The following PTPRD variants were observed in gnomAD, a reference collection of about 807,000 sequenced individuals.
PTPRD encodes the protein receptor-type tyrosine-protein phosphatase delta.
A neutral mutation model predicts 214.5 loss-of-function variants in PTPRD; 34 were observed. That is an observed-to-expected ratio of 0.16 (90% CI 0.12 to 0.21). The LOEUF (loss-of-function observed/expected upper bound fraction) is 0.21, where lower values mean the gene tolerates loss of function less well. PTPRD is among the 10% of genes least tolerant of loss of function. PTPRD has a pLI of 1.00. For missense variants in PTPRD, 2,545 were observed against 2,398.7 expected, an observed-to-expected ratio of 1.06 and a Z score of -1.27; for synonymous variants, 1,128 against 845.7, an observed-to-expected ratio of 1.33 and a Z score of -5.79.
chr9:8,508,873 A>G (rs73640924), intron 21 of PTPRD, among the ~76,000 whole-genome samples: 2 of 96,484 alleles, frequency 2.1e-5, no homozygotes, highest in South Asian at 2.8e-4. Flanking sequence ...CTGTGTATAT[A>G]TATGTGTGTG....
intron 9 of PTPRD, among the ~76,000 whole-genome samples, chr9:9,328,287 CA>C: frequency 6.6e-6 from 1 of 152,072 alleles, no homozygotes; most frequent in East Asian, 1.9e-4. Flanking sequence ...CATGTAGGAC[CA>C]TACATACTAC....
chr9:8,358,606 T>C (rs1382084755), intron 39 of PTPRD, among the ~76,000 whole-genome samples: 4 of 152,166 alleles, frequency 2.6e-5, no homozygotes, highest in African/African-American at 9.7e-5. Context: ...GCAAAATACA[T>C]TTTAAATAAT....
At chr9:9,973,425 T>G (rs563086791) in intron 4 of PTPRD, among the ~76,000 whole-genome samples, 3 of 151,800 alleles carry the variant, frequency 2.0e-5, no homozygotes, top group Admixed American at 2.0e-4. Context: ...TGAGCTGAAA[T>G]CATGCCATTG....
chr9:10,401,454 T>A lies in PTPRD; in HGVS notation c.-599-60437A>T, dbSNP rs1052497950. ...ATCATTCCTAAACGGATAAAATTGG[T>A]TCCTATGGCAAAAGGTATTAGATAT... is the stretch of plus-strand genomic sequence containing the variant. On this transcript the variant is annotated intron_variant, in intron 2 of 45. Coordinates refer to ENST00000381196, the MANE Select transcript of PTPRD (RefSeq NM_002839.4). Among the ~76,000 whole-genome samples, 4 of 151,010 alleles carry A rather than the reference T, an allele frequency of 2.6e-5. No individual in the cohort carries two copies. In the South Asian group the frequency reaches 8.3e-4, roughly 31 times the overall value.
intron 9 of PTPRD, among the ~76,000 whole-genome samples, chr9:9,279,584 A>G (rs1212634322): frequency 6.6e-6 from 1 of 150,602 alleles, no homozygotes; most frequent in Non-Finnish European, 1.5e-5. Flanking sequence ...ATTGCAGACA[A>G]TATTACAAAG....
intron 7 of PTPRD, among the ~76,000 whole-genome samples, chr9:9,641,923 A>T (rs2095972966): frequency 6.6e-6 from 1 of 152,138 alleles, no homozygotes; most frequent in African/African-American, 2.4e-5. Context: ...TTAGCTATAG[A>T]TTAAAATAAG....
chr9:9,874,936 T>C (rs2066439564), intron 5 of PTPRD, among the ~76,000 whole-genome samples: 2 of 152,284 alleles, frequency 1.3e-5, no homozygotes, highest in Non-Finnish European at 2.9e-5. Flanking sequence ...AGGTTTATAA[T>C]AGATAGATTA....
intron 7 of PTPRD, among the ~76,000 whole-genome samples, chr9:9,627,507 A>T (rs2095460350): frequency 6.6e-6 from 1 of 152,224 alleles, no homozygotes; most frequent in Non-Finnish European, 1.5e-5. Flanking sequence ...TTTCTATAGC[A>T]GTAGAACTTC....
At chr9:9,808,550 G>T (rs1361450653) in intron 5 of PTPRD, among the ~76,000 whole-genome samples, 3 of 152,090 alleles carry the variant, frequency 2.0e-5, no homozygotes, top group Non-Finnish European at 4.4e-5. Context: ...CTGCCTGGGA[G>T]ACTTTATCTA....
chr9:8,571,006 C>T lies in PTPRD; in HGVS notation c.353-42227G>A, dbSNP rs1038780251. Among the ~76,000 whole-genome samples the T allele has an allele frequency of 7.2e-5, 11 of 152,032 alleles. No homozygotes were observed. In the East Asian group the frequency reaches 2.1e-3, roughly 29 times the overall value. On this transcript the variant is annotated intron_variant, in intron 14 of 45. Coordinates refer to ENST00000381196, the MANE Select transcript of PTPRD (RefSeq NM_002839.4). ...TCAGAAGTGAAATTGTTTCCACAGG[C>T]TAACACATAAAAGCACCAAGCTCTC...
rs535992749 is a variant in PTPRD, at chr9:9,435,816, C to G, written c.-236-38334G>C. On this transcript the variant is annotated intron_variant, in intron 8 of 45. Coordinates refer to ENST00000381196, the MANE Select transcript of PTPRD (RefSeq NM_002839.4). Reference sequence around the variant, plus strand: ...AAACCTGTGGGATATAATAAACTAACTTATCATTTAAGTAATATTTTTACC... The same window carrying G: ...AAACCTGTGGGATATAATAAACTAAGTTATCATTTAAGTAATATTTTTACC... Among the ~76,000 whole-genome samples, 21 of 152,146 alleles carry G rather than the reference C, an allele frequency of 1.4e-4. No individual in the cohort carries two copies. The South Asian group carries it at 3.9e-3, about 29-fold the overall frequency.
intron 5 of PTPRD, among the ~76,000 whole-genome samples, chr9:9,781,931 T>C (rs2098847037): frequency 6.6e-6 from 1 of 152,128 alleles, no homozygotes; most frequent in Admixed American, 6.5e-5. Context: ...TAGCTGGGAC[T>C]ACAGGCGCCC....
chr9:8,607,257 A>G lies in PTPRD; in HGVS notation c.352+26060T>C, dbSNP rs117207037. Among the ~76,000 whole-genome samples the G allele has an allele frequency of 4.1e-4, 62 of 152,372 alleles. No homozygotes were observed. The East Asian group carries it at 9.3e-3, about 23-fold the overall frequency. On this transcript the variant is annotated intron_variant, in intron 14 of 45. Transcript: ENST00000381196. Reference sequence around the variant, plus strand: ...GGTTTAGTCATTCCACAGTGTATATATACTTAAAAACATCATGTACATGGT... The same window carrying G: ...GGTTTAGTCATTCCACAGTGTATATGTACTTAAAAACATCATGTACATGGT...
At chr9:10,265,706 A>G (rs1378873500) in intron 3 of PTPRD, among the ~76,000 whole-genome samples, 1 of 152,204 alleles carries the variant, frequency 6.6e-6, no homozygotes, top group African/African-American at 2.4e-5. Flanking sequence ...GCAAAAATAA[A>G]TAAGGAAACA....
At chr9:8,939,675 T>TAGAA (rs2099019380) in intron 11 of PTPRD, among the ~76,000 whole-genome samples, 2 of 152,174 alleles carry the variant, frequency 1.3e-5, no homozygotes, top group Non-Finnish European at 2.9e-5. Flanking sequence ...TATCTTTAAC[T>TAGAA]ATTTCTTTCC....
intron 10 of PTPRD, among the ~76,000 whole-genome samples, chr9:9,091,566 T>C (rs770294770): frequency 3.3e-5 from 5 of 152,204 alleles, no homozygotes; most frequent in Non-Finnish European, 7.3e-5. Flanking sequence ...CTCCTTTTCA[T>C]AGTAATAAGC....
chr9:10,038,942 A>C (rs2097244712), intron 3 of PTPRD, among the ~76,000 whole-genome samples: 1 of 151,994 alleles, frequency 6.6e-6, no homozygotes, highest in South Asian at 2.1e-4. Flanking sequence ...GATAAACTTT[A>C]ATCTCTGACC....
chr9:10,505,338 G>A (rs756866877), intron 2 of PTPRD, among the ~76,000 whole-genome samples: 43 of 152,084 alleles, frequency 2.8e-4, no homozygotes, highest in Non-Finnish European at 5.6e-4. Flanking sequence ...ATTTTCAGCT[G>A]GTACACATAT....
At chr9:9,219,057 T>C (rs993099766) in intron 9 of PTPRD, among the ~76,000 whole-genome samples, 97 of 152,176 alleles carry the variant, frequency 6.4e-4, no homozygotes, top group Admixed American at 6.1e-3. Flanking sequence ...AAGTCTCTTT[T>C]CACATCGTGT....
Sources: allele counts gnomAD v4.1 joint callset (sites outside exome capture counted in the v4.1 genomes callset), GRCh38; gene constraint gnomAD v4.1.1; transcripts MANE v1.5; gene names NCBI Gene and HGNC (gene_info 2026-07-23, HGNC 2026-07-21).